The following GALNT7 variants were observed in gnomAD, a reference collection of about 807,000 sequenced individuals.
GALNT7 encodes polypeptide N-acetylgalactosaminyltransferase 7.
GALNT7 carries 60 observed loss-of-function variants against 82.1 expected under a neutral mutation model. The ratio of observed to expected loss-of-function variants is 0.73; its 90% CI spans 0.59 to 0.91. The LOEUF is 0.91. Ranked by LOEUF, GALNT7 falls within the 40% of genes least tolerant of loss-of-function variation. GALNT7 has a pLI of 0.00. For missense variants in GALNT7, 660 were observed against 804.2 expected (o/e 0.82, Z 2.17); for synonymous variants, 243 against 275.1 (o/e 0.88, Z 1.15).
chr4:173,171,776 G>C (rs1579872947), intron 1 of GALNT7, among the ~76,000 whole-genome samples: 1 of 152,146 alleles, frequency 6.6e-6, no homozygotes, highest in Non-Finnish European at 1.5e-5. Flanking sequence ...ACCAGGCATG[G>C]TACTAGTTGT....
At chr4:173,289,878 G>C (rs1736471978) in intron 2 of GALNT7, among the ~76,000 whole-genome samples, 1 of 152,150 alleles carries the variant, frequency 6.6e-6, no homozygotes, top group Admixed American at 6.5e-5. Context: ...TCTGCAGTCT[G>C]AGTTTGCCCC....
chr4:173,177,544 T>C (rs1732088658), intron 1 of GALNT7, among the ~76,000 whole-genome samples: 1 of 152,166 alleles, frequency 6.6e-6, no homozygotes, highest in South Asian at 2.1e-4. Flanking sequence ...TGCCTTCTTT[T>C]AGGCTCTAGG....
intron 1 of GALNT7, among the ~76,000 whole-genome samples, chr4:173,245,583 T>C (rs1734596262): frequency 6.6e-6 from 1 of 152,200 alleles, no homozygotes; most frequent in Admixed American, 6.5e-5. Flanking sequence ...TGGAGGAGAA[T>C]GTCTTTCTCC....
intron 1 of GALNT7, among the ~76,000 whole-genome samples, chr4:173,187,252 ACT>A (rs1230408678): frequency 6.6e-6 from 1 of 151,836 alleles, no homozygotes; most frequent in East Asian, 1.9e-4. Flanking sequence ...GTATAAATAA[ACT>A]CTGTGGATTG....
intron 1 of GALNT7, among the ~76,000 whole-genome samples, chr4:173,178,052 T>TGTGTGTGCGC (rs563102408): frequency 8.5e-5 from 11 of 129,516 alleles, no homozygotes; most frequent in African/African-American, 2.7e-4. Flanking sequence ...TGTGTGTGTG[T>TGTGTGTGCGC]GCGCGCACGC....
chr4:173,253,816 G>C (rs1734932392), intron 2 of GALNT7, among the ~76,000 whole-genome samples: 1 of 152,176 alleles, frequency 6.6e-6, no homozygotes, highest in African/African-American at 2.4e-5. Context: ...TCAGGATAAG[G>C]AGCCTGTTTA....
chr4:173,248,103 T>C lies in GALNT7; in HGVS notation c.250T>C (p.Ser84Pro). The C allele has an allele frequency of 6.2e-7, 1 of 1,613,228 alleles. No individual in the cohort carries two copies. The highest frequency in any genetic ancestry group is 1.3e-5 in the African/African-American group (1 of 74,904). ...TGAAGGAGTAGAAGTGGACTTAGAG[T>C]CTATTAGAAGAATAAACAAGGCCAA... ...HVEGVEVDLE[S>P]IRRINKAKNE... The change falls in exon 2 of 12, where the codon TCT (serine) becomes CCT (proline). Residue 84 changes from serine (S) to proline (P), a missense_variant. Ser to Pro is a moderately conservative substitution (Grantham distance 74). Around this residue, in one of 2 missense-constraint regions of GALNT7, gnomAD observed 133 missense variants for 120.7 expected, o/e 1.10. Transcript: ENST00000265000.
chr4:173,178,065 GTGCGCA>G (rs1561142241), intron 1 of GALNT7, among the ~76,000 whole-genome samples: 11 of 133,592 alleles, frequency 8.2e-5, no homozygotes, highest in African/African-American at 3.5e-4. Context: ...GCGCACGCGC[GTGCGCA>G]CAGACACCTA....
At chr4:173,288,607 T>C (rs1736426875) in intron 2 of GALNT7, among the ~76,000 whole-genome samples, 1 of 152,094 alleles carries the variant, frequency 6.6e-6, no homozygotes, top group Non-Finnish European at 1.5e-5. Context: ...AATTAACTTG[T>C]CTCATAAAGA....
At chr4:173,316,044 A>G (rs746860378) in intron 9 of GALNT7, 3 of 151,872 alleles carry the variant, frequency 2.0e-5, no homozygotes, top group Admixed American at 6.5e-5. Context: ...AGTCAGAGTG[A>G]CTGTTTTAAA....
chr4:173,202,220 C>T (rs1732964199), intron 1 of GALNT7, among the ~76,000 whole-genome samples: 1 of 152,094 alleles, frequency 6.6e-6, no homozygotes. Flanking sequence ...TGGTTTATCC[C>T]CAGTGTCTGT....
At chr4:173,190,738 C>T (rs1732603280) in intron 1 of GALNT7, among the ~76,000 whole-genome samples, 3 of 151,988 alleles carry the variant, frequency 2.0e-5, no homozygotes, top group Admixed American at 6.6e-5. Context: ...GTTTATTGAA[C>T]ATTGGGTTAT....
intron 1 of GALNT7, among the ~76,000 whole-genome samples, chr4:173,225,056 A>T (rs1246424327): frequency 6.9e-6 from 1 of 145,508 alleles, no homozygotes; most frequent in Non-Finnish European, 1.5e-5. Context: ...AATAATTATA[A>T]TTATATCTGT....
At chr4:173,182,425 T>C (rs981998636) in intron 1 of GALNT7, among the ~76,000 whole-genome samples, 9 of 152,212 alleles carry the variant, frequency 5.9e-5, no homozygotes, top group Admixed American at 4.6e-4. Flanking sequence ...CAATCTATTT[T>C]TTTCTCCCTT....
chr4:173,172,523 G>A (rs371442851), intron 1 of GALNT7, among the ~76,000 whole-genome samples: 3 of 152,004 alleles, frequency 2.0e-5, no homozygotes, highest in Non-Finnish European at 4.4e-5. Flanking sequence ...TGGTGTTGGC[G>A]CGACCAATTA....
chr4:173,314,351 C>T (rs1026818708), intron 9 of GALNT7, among the ~76,000 whole-genome samples, 175 bp downstream of exon 9: 1 of 152,196 alleles, frequency 6.6e-6, no homozygotes, highest in Non-Finnish European at 1.5e-5. Flanking sequence ...CAGCTGGCCA[C>T]CATGCTGTCT....
chr4:173,319,601 G>T (rs1205781870), intron 11 of GALNT7, among the ~76,000 whole-genome samples: 1 of 151,980 alleles, frequency 6.6e-6, no homozygotes, highest in Non-Finnish European at 1.5e-5. Flanking sequence ...GTAAAAGAGG[G>T]CTAACACACC....
chr4:173,247,260 A>G (rs1579951990), intron 1 of GALNT7, among the ~76,000 whole-genome samples: 1 of 151,620 alleles, frequency 6.6e-6, no homozygotes, highest in East Asian at 1.9e-4. Context: ...CGGCCCAAAC[A>G]GAAAAGAGAG....
chr4:173,201,462 GA>G (rs1454865095), intron 1 of GALNT7, among the ~76,000 whole-genome samples: 5 of 151,890 alleles, frequency 3.3e-5, no homozygotes, highest in Middle Eastern at 3.2e-3. Context: ...TAAAAATAAA[GA>G]AAAAAATGTA....
Sources: allele counts gnomAD v4.1 joint callset (sites outside exome capture counted in the v4.1 genomes callset), GRCh38; gene constraint gnomAD v4.1.1; regional missense constraint gnomAD v4.1.1; transcripts MANE v1.5; gene names NCBI Gene and HGNC (gene_info 2026-07-23, HGNC 2026-07-21).